The following PDGFD variants were observed in gnomAD, a reference collection of about 807,000 sequenced individuals.
PDGFD encodes platelet derived growth factor D, also known as platelet-derived growth factor D.
A neutral mutation model predicts 44.7 loss-of-function variants in PDGFD; 30 were observed. That is an observed-to-expected ratio of 0.67 (90% CI 0.50 to 0.91). PDGFD has a LOEUF of 0.91. Ranked by LOEUF, PDGFD falls within the 40% of genes least tolerant of loss-of-function variation. PDGFD has a pLI of 0.00. For synonymous variants in PDGFD, 173 were observed against 168.4 expected (o/e 1.03, Z -0.21); for missense variants, 445 against 457.8 (o/e 0.97, Z 0.25).
At chr11:104,128,719 T>C (rs1861874619) in intron 1 of PDGFD, among the ~76,000 whole-genome samples, 1 of 152,170 alleles carries the variant, frequency 6.6e-6, no homozygotes, top group Non-Finnish European at 1.5e-5. Flanking sequence ...AAGTGTCAAC[T>C]TATTGACCTT....
At chr11:103,943,322 TTCCAAAATCCAAAAAGCA>T in intron 5 of PDGFD, 112 bp downstream of exon 5, 1 of 871,172 alleles carries the variant, frequency 1.1e-6, no homozygotes. Context: ...AATGTAAATG[TTCCAAAATCCAAAAAGCA>T]TCCAAAATCC....
At chr11:104,095,675 T>C (rs1057139553) in intron 1 of PDGFD, among the ~76,000 whole-genome samples, 5 of 152,174 alleles carry the variant, frequency 3.3e-5, no homozygotes, top group African/African-American at 1.2e-4. Flanking sequence ...ATTCTTACCA[T>C]TTTCCTTTAA....
rs1246884164 is a variant in PDGFD at position 104,009,225 on chromosome 11, TG to T, written c.125-8971del. On this transcript the variant is annotated intron_variant, in intron 1 of 6. Transcript: ENST00000393158. ...GGCCCTACCATACTTTAAGAAGTTG[TG>T]ACTCTGAAAGAAAAGAAGAAAAATG... Among the ~76,000 whole-genome samples, 3 of 152,158 alleles carry T rather than the reference TG, an allele frequency of 2.0e-5. No homozygotes were observed. The East Asian group carries it at 5.8e-4, about 29-fold the overall frequency.
chr11:104,121,910 T>C (rs1591175949), intron 1 of PDGFD, among the ~76,000 whole-genome samples: 1 of 152,224 alleles, frequency 6.6e-6, no homozygotes. Flanking sequence ...AGGAATATTA[T>C]CTAATTTCAT....
At chr11:104,130,863 T>C (rs2119841962) in intron 1 of PDGFD, among the ~76,000 whole-genome samples, 1 of 152,328 alleles carries the variant, frequency 6.6e-6, no homozygotes, top group South Asian at 2.1e-4. Flanking sequence ...TTATTAATTA[T>C]ATTTCATTGA....
intron 1 of PDGFD, among the ~76,000 whole-genome samples, chr11:104,018,644 T>C (rs1020689471): frequency 2.0e-5 from 3 of 152,104 alleles, no homozygotes; most frequent in Non-Finnish European, 4.4e-5. Context: ...AGATGGCCCT[T>C]TTCTTCAGGG....
intron 5 of PDGFD, among the ~76,000 whole-genome samples, chr11:103,933,954 T>C (rs1565288191): frequency 1.3e-5 from 2 of 152,176 alleles, no homozygotes; most frequent in African/African-American, 4.8e-5. Context: ...CCTGGGGTGA[T>C]GTATAAAGCA....
At chr11:104,122,479 G>A (rs544652787) in intron 1 of PDGFD, among the ~76,000 whole-genome samples, 1 of 151,980 alleles carries the variant, frequency 6.6e-6, no homozygotes, top group African/African-American at 2.4e-5. Flanking sequence ...TCCTCACCAG[G>A]CATCTATAAA....
intron 1 of PDGFD, among the ~76,000 whole-genome samples, chr11:104,147,377 T>C (rs1591186528): frequency 6.6e-6 from 1 of 152,138 alleles, no homozygotes; most frequent in African/African-American, 2.4e-5. Context: ...CAAAGTCAGG[T>C]AAGGAAACAT....
intron 4 of PDGFD, among the ~76,000 whole-genome samples, chr11:103,946,230 C>T (rs1374970188): frequency 6.6e-6 from 1 of 152,152 alleles, no homozygotes; most frequent in Admixed American, 6.6e-5. Flanking sequence ...ATGGTAGGTC[C>T]AATGACCCCT....
intron 5 of PDGFD, among the ~76,000 whole-genome samples, chr11:103,931,820 A>C (rs1858404021): frequency 6.6e-6 from 1 of 152,168 alleles, no homozygotes; most frequent in Non-Finnish European, 1.5e-5. Context: ...TTGTTGTTAC[A>C]AGGTCTAGCC....
chr11:103,927,085 A>G lies in PDGFD; in HGVS notation c.814T>C (p.Cys272Arg). 6.2e-7 allele frequency: 1 copy of G among 1,614,178 alleles called. No individual in the cohort carries two copies. Among genetic ancestry groups the G allele is most frequent in the South Asian group, 1.1e-5 (1 of 91,076 alleles). The change falls in exon 6 of 7, where the codon TGC (cysteine) becomes CGC (arginine). Residue 272 changes from cysteine (C) to arginine (R), a missense_variant. Transcript: ENST00000393158. ...RLNDDAKRYS[C>R]TPRNYSVNIR... The stretch of plus-strand genomic sequence containing the variant: ...TTGACCGAGTAATTCCTGGGAGTGC[A>G]ACTGTAACGCTTGGCATCATCATTG...
chr11:104,023,564 C>T (rs954556028), intron 1 of PDGFD, among the ~76,000 whole-genome samples: 12 of 152,092 alleles, frequency 7.9e-5, no homozygotes, highest in Non-Finnish European at 1.5e-4. Flanking sequence ...TCGATCCATT[C>T]TTAGTAAATT....
intron 3 of PDGFD, among the ~76,000 whole-genome samples, chr11:103,968,629 C>T (rs570729944): frequency 1.5e-4 from 23 of 152,252 alleles, no homozygotes; most frequent in African/African-American, 4.1e-4. Flanking sequence ...TTCAAGGGTT[C>T]GTCATGTCTC....
At chr11:104,127,765 C>A (rs1165070118) in intron 1 of PDGFD, among the ~76,000 whole-genome samples, 1 of 152,054 alleles carries the variant, frequency 6.6e-6, no homozygotes, top group Non-Finnish European at 1.5e-5. Context: ...TGAATAGGAA[C>A]AACCAACCAA....
intron 1 of PDGFD, among the ~76,000 whole-genome samples, chr11:104,122,056 TA>T (rs1861785358): frequency 6.6e-6 from 1 of 151,964 alleles, no homozygotes; most frequent in African/African-American, 2.4e-5. Context: ...ATAGTGAGGG[TA>T]AAAGAGTCCT....
At chr11:103,992,106 A>T (rs1274020988) in intron 3 of PDGFD, among the ~76,000 whole-genome samples, 1 of 152,220 alleles carries the variant, frequency 6.6e-6, no homozygotes, top group Non-Finnish European at 1.5e-5. Flanking sequence ...ATTTGACAAC[A>T]TTATCCATTC....
intron 1 of PDGFD, among the ~76,000 whole-genome samples, chr11:104,001,375 T>C (rs756340673): frequency 3.2e-4 from 49 of 152,236 alleles, no homozygotes; most frequent in Non-Finnish European, 5.6e-4. Flanking sequence ...GGTCCTAATT[T>C]ATATCCTTTA....
chr11:104,116,947 G>C (rs1018094108), intron 1 of PDGFD, among the ~76,000 whole-genome samples: 1 of 151,952 alleles, frequency 6.6e-6, no homozygotes, highest in Admixed American at 6.6e-5. Context: ...ATGTGGAGCT[G>C]TAAGTTCAAT....
Sources: allele counts gnomAD v4.1 joint callset (sites outside exome capture counted in the v4.1 genomes callset), GRCh38; gene constraint gnomAD v4.1.1; transcripts MANE v1.5; gene names NCBI Gene and HGNC (gene_info 2026-07-23, HGNC 2026-07-21).